CLTC: variants seen among roughly 807,000 people sequenced by gnomAD.
CLTC encodes clathrin heavy chain, also known as clathrin heavy chain 1.
A neutral mutation model predicts 195.8 loss-of-function variants in CLTC; 16 were observed. The observed-to-expected ratio is 0.08, with a 90% CI of 0.06 to 0.12. The LOEUF is 0.12. Ranked by LOEUF, CLTC falls within the 10% of genes least tolerant of loss-of-function variation. CLTC has a pLI of 1.00. For synonymous variants in CLTC, 667 were observed against 689.4 expected, an observed-to-expected ratio of 0.97 and a Z score of 0.51; for missense variants, 796 against 2,027.0, an observed-to-expected ratio of 0.39 and a Z score of 11.66.
At chr17:59,678,356 C>T (rs1310603689) in intron 17 of CLTC, among the ~76,000 whole-genome samples, 2 of 151,748 alleles carry the variant, frequency 1.3e-5, no homozygotes, top group Non-Finnish European at 2.9e-5. Context: ...TACCCTCTCC[C>T]TTAATTTAGC....
chr17:59,677,440 T>C (rs377301629), intron 17 of CLTC, among the ~76,000 whole-genome samples: 1 of 152,204 alleles, frequency 6.6e-6, no homozygotes, highest in Non-Finnish European at 1.5e-5. Flanking sequence ...ACTCTTACAC[T>C]CAGGCACACC....
At chr17:59,684,573 A>G (rs1025329706) in intron 28 of CLTC, 3 of 153,730 alleles carry the variant, frequency 2.0e-5, no homozygotes, top group Admixed American at 6.5e-5. Context: ...TGGGAGGCCA[A>G]GGCAGGCGGA....
intron 28 of CLTC, among the ~76,000 whole-genome samples, chr17:59,684,730 C>T (rs1213149472): frequency 6.7e-6 from 1 of 149,078 alleles, no homozygotes; most frequent in Non-Finnish European, 1.5e-5. Context: ...CGCTTGAACC[C>T]TAGAGGCAGG....
At chr17:59,675,515 A>C (rs2032946963) in intron 16 of CLTC, among the ~76,000 whole-genome samples, 2 of 152,158 alleles carry the variant, frequency 1.3e-5, no homozygotes, top group Non-Finnish European at 2.9e-5. Flanking sequence ...TTTCATTTTA[A>C]CCTGAGTTGA....
At chr17:59,631,676 G>T (rs983992958) in intron 1 of CLTC, among the ~76,000 whole-genome samples, 7 of 152,078 alleles carry the variant, frequency 4.6e-5, no homozygotes, top group Non-Finnish European at 8.8e-5. Flanking sequence ...TTTTTAAAAA[G>T]ATTTTGAATT....
intron 1 of CLTC, among the ~76,000 whole-genome samples, chr17:59,627,674 T>C (rs2031593008): frequency 1.3e-5 from 2 of 152,208 alleles, no homozygotes; most frequent in African/African-American, 4.8e-5. Flanking sequence ...AATGATTATT[T>C]AGCTGTATCT....
At chr17:59,639,525 T>G (rs2031968266) in intron 1 of CLTC, among the ~76,000 whole-genome samples, 1 of 152,148 alleles carries the variant, frequency 6.6e-6, no homozygotes, top group Admixed American at 6.5e-5. Flanking sequence ...TTTTGCAGAT[T>G]GAGAGGATAA....
Position 59,681,152 on chromosome 17 carries a change from G to A in CLTC, c.3065+95G>A. 2 of 1,497,790 alleles carry A rather than the reference G, an allele frequency of 1.3e-6. No individual in the cohort carries two copies. The highest frequency in any genetic ancestry group is 2.6e-5 in the South Asian group (2 of 77,356). 92.8% of individuals were successfully genotyped at this position (1,497,790 alleles called of 1,614,324 possible). A position where few individuals can be genotyped will look rare whatever the true frequency, so the allele number is the denominator to read the frequency against. Reference sequence around the variant, plus strand: ...GGAAGGAACAAAAAGATCAGAGAAAGTTGCCTGAATTCTCACTCTTCTAAT... The same window carrying A: ...GGAAGGAACAAAAAGATCAGAGAAAATTGCCTGAATTCTCACTCTTCTAAT... On this transcript the variant is annotated intron_variant, in intron 19 of 31. Coordinates refer to ENST00000269122, the MANE Select transcript of CLTC (RefSeq NM_004859.4). This position sits in a 1 kb window ranked among gnomAD's most constrained non-coding sequence, Gnocchi z 5.0.
intron 1 of CLTC, among the ~76,000 whole-genome samples, chr17:59,624,319 G>C (rs186824175): frequency 6.6e-6 from 1 of 152,026 alleles, no homozygotes; most frequent in Admixed American, 6.6e-5. Flanking sequence ...TTTGTCTGTT[G>C]GACTTAGGCC....
chr17:59,645,937 T>G, intron 2 of CLTC: 1 of 449,084 alleles, frequency 2.2e-6, no homozygotes. Flanking sequence ...GGCCATCATT[T>G]TAATTTTGCC....
In CLTC at chr17:59,648,430, A is replaced by G. The variant is rs1482341520; in HGVS notation, c.681+29A>G. 6.3e-7 allele frequency: 1 copy of G among 1,596,138 alleles called. No homozygotes were observed. Among genetic ancestry groups the G allele is most frequent in the Non-Finnish European group, 8.6e-7 (1 of 1,168,182 alleles). ...AGTTTTGGCTTTGGTAATTATTTTAATGAGAACTTGTATTTGGCTTTCTGC... is the reference window on the plus strand; with the variant it reads ...AGTTTTGGCTTTGGTAATTATTTTAGTGAGAACTTGTATTTGGCTTTCTGC... On this transcript the variant is annotated intron_variant, in intron 4 of 31. Coordinates refer to ENST00000269122, the MANE Select transcript of CLTC (RefSeq NM_004859.4). This position sits in a 1 kb window ranked among gnomAD's most constrained non-coding sequence, Gnocchi z 4.5.
At position 59,619,896 on chromosome 17, in the gene CLTC, G is replaced by A. The variant is rs2031296685; in HGVS notation, c.-236G>A. 2.0e-6 allele frequency: 1 copy of A among 499,318 alleles called. No individual in the cohort carries two copies. The highest frequency in any genetic ancestry group is 3.6e-6 in the Non-Finnish European group (1 of 277,288). The allele number at this position is 499,318 out of a possible 1,614,324, so 30.9% of individuals were successfully genotyped here. ...CGCCGGGATCCTTCCGCTGGGCTCAGCCGTTTCCGGAGTCTGCGCTGCGCC... is the reference window on the plus strand; with the variant it reads ...CGCCGGGATCCTTCCGCTGGGCTCAACCGTTTCCGGAGTCTGCGCTGCGCC... On this transcript the variant is annotated 5_prime_UTR_variant, in exon 1 of 32. Transcript: ENST00000269122.
chr17:59,693,992 A>G lies in CLTC; in HGVS notation c.*140A>G, dbSNP rs752924204. ...GAAGGACTTCTTTTTGTTTCTAACT[A>G]TAAACTTGGATCACCTATGTTAAAA... is the stretch of plus-strand genomic sequence containing the variant. On this transcript the variant is annotated 3_prime_UTR_variant, in exon 32 of 32. Transcript: ENST00000269122. The G allele has an allele frequency of 7.1e-6, 6 of 849,408 alleles. No homozygotes were observed. The South Asian group carries it at 7.8e-5, about 11-fold the overall frequency. The allele number at this position is 849,408 out of a possible 1,614,324, so 52.6% of individuals were successfully genotyped here. A position where few individuals can be genotyped will look rare whatever the true frequency, so the allele number is the denominator to read the frequency against.
In CLTC at chr17:59,685,650, T is replaced by C. The variant is rs759251179; in HGVS notation, c.4669T>C (p.Phe1557Leu). The C allele has an allele frequency of 6.2e-7, 1 of 1,613,958 alleles. No homozygotes were observed. Among genetic ancestry groups the C allele is most frequent in the Non-Finnish European group, 8.5e-7 (1 of 1,179,904 alleles). Residue 1557 changes from phenylalanine (F) to leucine (L), a missense_variant, in exon 30 of 32, where the codon TTT (phenylalanine) becomes CTT (leucine). By Grantham distance (22) the Phe-to-Leu change is conservative. This residue lies in a region of CLTC where 148 missense variants were observed against 279.5 expected (regional missense o/e 0.53). Coordinates refer to ENST00000269122, the MANE Select transcript of CLTC (RefSeq NM_004859.4). This position sits in a 1 kb window ranked among gnomAD's most constrained non-coding sequence, Gnocchi z 5.0. ...ATTGGCTGAAGAACTCCTGCAGTGG[T>C]TTTTGCAGGAAGAAAAAAGAGAGTG... ...TELAEELLQWFLQEEKRECFG... is the reference protein window; with the variant it reads ...TELAEELLQWLLQEEKRECFG...
chr17:59,652,692 G>A (rs910638038), intron 5 of CLTC, among the ~76,000 whole-genome samples: 1 of 152,266 alleles, frequency 6.6e-6, no homozygotes, highest in South Asian at 2.1e-4. Context: ...CAGATGTGCT[G>A]TCATCAGGGC....
In CLTC at chr17:59,647,471, C is replaced by T; in HGVS notation, c.324C>T (p.Val108=). ...AGGCTCATACCATGACTGATGATGT[C>T]ACCTTTTGGAAATGGATCTCTTTGA... The part of the protein sequence containing the change: ...KMKAHTMTDD[V]TFWKWISLNT... Residue 108 remains valine (V), a synonymous_variant, in exon 3 of 32, where the codon GTC becomes GTT. Coordinates refer to ENST00000269122, the MANE Select transcript of CLTC (RefSeq NM_004859.4). 1 of 1,613,788 alleles carries T rather than the reference C, an allele frequency of 6.2e-7. No homozygotes were observed. Among genetic ancestry groups the T allele is most frequent in the Non-Finnish European group, 8.5e-7 (1 of 1,179,740 alleles).
At chr17:59,625,980 G>C (rs1385172405) in intron 1 of CLTC, among the ~76,000 whole-genome samples, 2 of 152,098 alleles carry the variant, frequency 1.3e-5, no homozygotes, top group Non-Finnish European at 2.9e-5. Flanking sequence ...ATTAATTATT[G>C]GCTAAATAAT....
intron 1 of CLTC, among the ~76,000 whole-genome samples, chr17:59,625,119 C>CT (rs1048495395): frequency 3.6e-4 from 52 of 145,752 alleles, no homozygotes; most frequent in Non-Finnish European, 4.8e-4. Context: ...GTTTTTTTTT[C>CT]TTTTTTTTTG....
intron 1 of CLTC, among the ~76,000 whole-genome samples, chr17:59,624,626 G>T (rs1241954557): frequency 6.6e-6 from 1 of 151,782 alleles, no homozygotes; most frequent in Non-Finnish European, 1.5e-5. Flanking sequence ...CTGCCACCAT[G>T]CCTGGCTAAT....
Sources: gnomAD v4.1 joint callset for allele counts (sites outside exome capture counted in the v4.1 genomes callset) on GRCh38, gnomAD v4.1.1 for gene constraint, gnomAD v4.1.1 regional missense constraint, Gnocchi (gnomAD v3.1) non-coding constraint, MANE v1.5 for transcripts, NCBI Gene and HGNC (gene_info 2026-07-23, HGNC 2026-07-21) for gene names.